Variants in DLG5 observed in about 807,000 individuals in gnomAD.
DLG5 encodes the protein discs large MAGUK scaffold protein 5.
A neutral mutation model predicts 189.8 loss-of-function variants in DLG5; 48 were observed. That is an observed-to-expected ratio of 0.25 (90% CI 0.20 to 0.32). The LOEUF (loss-of-function observed/expected upper bound fraction) is 0.32, where lower values mean the gene tolerates loss of function less well. DLG5 is among the 10% of genes least tolerant of loss of function. The pLI is 1.00. For synonymous variants in DLG5, 1,016 were observed against 1,054.1 expected (o/e 0.96, Z 0.70); for missense variants, 2,160 against 2,544.7 (o/e 0.85, Z 3.25).
At chr10:77,932,307 G>T in the DLG5 span, among the ~76,000 whole-genome samples, 1 of 152,162 alleles carries the variant, frequency 6.6e-6, no homozygotes. Context: ...AGACAGTGAG[G>T]CAGGGGCCCC....
intron 25 of DLG5, among the ~76,000 whole-genome samples, chr10:77,807,585 G>T (rs993354397): frequency 9.9e-5 from 15 of 152,176 alleles, no homozygotes; most frequent in African/African-American, 3.6e-4. Flanking sequence ...CCTAAAGAGG[G>T]GGCCCAGCTG....
intron 1 of DLG5, among the ~76,000 whole-genome samples, chr10:77,914,977 A>G (rs1204665129): frequency 6.6e-6 from 1 of 152,192 alleles, no homozygotes; most frequent in Non-Finnish European, 1.5e-5. Flanking sequence ...ACACATCTAT[A>G]AAATAATGAC....
At chr10:77,878,338 C>T (rs1845169189) in intron 1 of DLG5, among the ~76,000 whole-genome samples, 1 of 152,166 alleles carries the variant, frequency 6.6e-6, no homozygotes, top group African/African-American at 2.4e-5. Context: ...GTGATGAGAA[C>T]AGAATGAGCA....
At chr10:77,827,399 T>A (rs1461190756) in intron 13 of DLG5, among the ~76,000 whole-genome samples, 1 of 152,154 alleles carries the variant, frequency 6.6e-6, no homozygotes, top group African/African-American at 2.4e-5. Context: ...CTAATTTTTG[T>A]ATTTTTAGTA....
intron 10 of DLG5, 86 bp from the exon 11 acceptor site, chr10:77,830,430 A>G (rs1454120920): frequency 1.3e-6 from 2 of 1,565,962 alleles, no homozygotes; most frequent in Non-Finnish European, 1.7e-6. Context: ...GCCCACTCCA[A>G]TGTGGGGGAC....
chr10:77,807,727 G>GA (rs1310965841), intron 25 of DLG5, 69 bp downstream of exon 25: 1 of 1,550,536 alleles, frequency 6.4e-7, no homozygotes, highest in Non-Finnish European at 8.8e-7. Flanking sequence ...CATTCACCAG[G>GA]AAAAGAGTCT....
At chr10:77,919,395 C>T (rs1279978004) in intron 1 of DLG5, among the ~76,000 whole-genome samples, 2 of 151,924 alleles carry the variant, frequency 1.3e-5, no homozygotes, top group Admixed American at 1.3e-4. Flanking sequence ...AATCACCCAA[C>T]CTCCTTGGAC....
chr10:77,811,030 GA>G, intron 23 of DLG5, 63 bp downstream of exon 23: 1 of 1,557,506 alleles, frequency 6.4e-7, no homozygotes, highest in Non-Finnish European at 8.7e-7. Flanking sequence ...GCCACTTGGA[GA>G]ATGTGCTCAG....
Position 77,852,329 on chromosome 10 carries a change from C to A in DLG5, c.864+1025G>T, listed in dbSNP as rs562813394. 3.3e-5 allele frequency among the ~76,000 whole-genome samples: 5 copies of A among 152,172 alleles called. No individual in the cohort carries two copies. In the East Asian group the frequency reaches 9.7e-4, roughly 30 times the overall value. On this transcript the variant is annotated intron_variant, in intron 5 of 31. Coordinates refer to ENST00000372391, the MANE Select transcript of DLG5 (RefSeq NM_004747.4). ...GAGGTTGCAGTGAGCCAAAATCACA[C>A]TACTGCACTCCAGCCTGGGCGACAG...
At chr10:77,807,755 T>C in intron 25 of DLG5, 41 bp downstream of exon 25, 1 of 1,602,480 alleles carries the variant, frequency 6.2e-7, no homozygotes, top group Non-Finnish European at 8.5e-7. Context: ...AAGCCTCTCC[T>C]CTGGTTCCAA....
intron 30 of DLG5, among the ~76,000 whole-genome samples, chr10:77,794,632 G>A (rs1840814887): frequency 6.6e-6 from 1 of 152,226 alleles, no homozygotes; most frequent in Admixed American, 6.5e-5. Flanking sequence ...ATGGCGGAGG[G>A]GCGCGAGGAA....
At chr10:77,904,261 TG>T (rs913498266) in intron 1 of DLG5, among the ~76,000 whole-genome samples, 12 of 152,200 alleles carry the variant, frequency 7.9e-5, no homozygotes, top group Non-Finnish European at 2.9e-5. Flanking sequence ...AAGTGCCTTT[TG>T]CCCTCCACCA....
intron 1 of DLG5, among the ~76,000 whole-genome samples, chr10:77,890,475 C>A (rs1387037731): frequency 6.6e-6 from 1 of 152,204 alleles, no homozygotes; most frequent in Non-Finnish European, 1.5e-5. Flanking sequence ...TACCTCTCTG[C>A]ACCTCTGATT....
rs566732269 is a variant in DLG5, at chr10:77,856,910, T to G, written c.374-18A>C. 6 of 1,604,476 alleles carry G rather than the reference T, an allele frequency of 3.7e-6. No homozygotes were observed. The East Asian group carries it at 9.0e-5, about 24-fold the overall frequency. Reference sequence around the variant, plus strand: ...GGTAGTGCCTGTGGAAGGGGAATAATAAAGTGAACTTGTGTTCATCTGGCA... The same window carrying G: ...GGTAGTGCCTGTGGAAGGGGAATAAGAAAGTGAACTTGTGTTCATCTGGCA... On this transcript the variant is annotated intron_variant, in intron 2 of 31. Coordinates refer to ENST00000372391, the MANE Select transcript of DLG5 (RefSeq NM_004747.4).
At chr10:77,927,422 C>T (rs1846735333), upstream of DLG5, 2 of 152,276 alleles carry the variant, frequency 1.3e-5, no homozygotes, top group East Asian at 3.9e-4. Context: ...ATTTGGACAT[C>T]TCCAGATTAA....
intron 17 of DLG5, 73 bp downstream of exon 17, chr10:77,819,248 T>G (rs1476099685): frequency 1.2e-6 from 2 of 1,606,428 alleles, no homozygotes; most frequent in African/African-American, 2.7e-5. Flanking sequence ...AGCCTCTTTA[T>G]GCACTCATGG....
chr10:77,853,223 C>G lies in DLG5; in HGVS notation c.864+131G>C, dbSNP rs1013828232. On this transcript the variant is annotated intron_variant, in intron 5 of 31. Transcript: ENST00000372391. ...ATCTCAAGCAATCTCTCACCTTGGTCTTCCAAAGCGCTGGGATCACAGATG... is the reference window on the plus strand; with the variant it reads ...ATCTCAAGCAATCTCTCACCTTGGTGTTCCAAAGCGCTGGGATCACAGATG... 1.7e-5 allele frequency: 14 copies of G among 817,308 alleles called. No homozygotes were observed. The East Asian group carries it at 4.5e-4, about 26-fold the overall frequency. The allele number at this position is 817,308 out of a possible 1,614,324, so 50.6% of individuals were successfully genotyped here.
Position 77,792,391 on chromosome 10 carries a change from G to T in DLG5, c.*49C>A. On this transcript the variant is annotated 3_prime_UTR_variant, in exon 32 of 32. Transcript: ENST00000372391. ...CAGTCGCTAGAAAAGAGCTGAGTCT[G>T]GTGTCCCCTCAGGCGGCCAGCTGCA... 1 of 1,538,974 alleles carries T rather than the reference G, an allele frequency of 6.5e-7. No individual in the cohort carries two copies. Among genetic ancestry groups the T allele is most frequent in the Non-Finnish European group, 9.0e-7 (1 of 1,111,608 alleles).
intron 7 of DLG5, among the ~76,000 whole-genome samples, chr10:77,837,740 T>C (rs912955469): frequency 2.0e-5 from 3 of 152,224 alleles, no homozygotes; most frequent in African/African-American, 7.2e-5. Flanking sequence ...TGATCAGTAC[T>C]GGCTCCTCTA....
Sources: gnomAD v4.1 joint callset for allele counts (sites outside exome capture counted in the v4.1 genomes callset) on GRCh38, gnomAD v4.1.1 for gene constraint, MANE v1.5 for transcripts, NCBI Gene and HGNC (gene_info 2026-07-23, HGNC 2026-07-21) for gene names.